TSFM: variants seen among roughly 807,000 people sequenced by gnomAD.
The protein encoded by TSFM is elongation factor Ts, mitochondrial.
Under a neutral mutation model 33.4 loss-of-function variants are expected in TSFM, and 29 were observed. The ratio of observed to expected loss-of-function variants is 0.87; its 90% CI spans 0.65 to 1.18. TSFM has a LOEUF of 1.18. Ranked by LOEUF, TSFM falls within the 50% of genes most tolerant of loss-of-function variation. The probability of loss-of-function intolerance (pLI) is 0.00; values close to 1 mark genes in which losing one functional copy is unlikely to be tolerated. For synonymous variants in TSFM, 178 were observed against 163.5 expected, an observed-to-expected ratio of 1.09 and a Z score of -0.68; for missense variants, 394 against 395.6, an observed-to-expected ratio of 1.00 and a Z score of 0.04.
At chr12:57,785,457 T>C (rs1251917147) in intron 2 of TSFM, among the ~76,000 whole-genome samples, 1 of 152,146 alleles carries the variant, frequency 6.6e-6, no homozygotes, top group Non-Finnish European at 1.5e-5. Context: ...GCTGTTTTAC[T>C]GTTAAATTTT....
Position 57,796,515 on chromosome 12 carries a change from G to A in TSFM, c.910G>A (p.Gly304Arg), listed in dbSNP as rs748940010. 6.5e-7 allele frequency: 1 copy of A among 1,528,450 alleles called. No homozygotes were observed. 94.7% of individuals were successfully genotyped at this position (1,528,450 alleles called of 1,614,324 possible). Reference sequence around the variant, plus strand: ...CTTGGGGCAGTATGTGCAGCCTCAGGGGGTGTCGGTAGTAGACTTTGTGCG... The same window carrying A: ...CTTGGGGCAGTATGTGCAGCCTCAGAGGGTGTCGGTAGTAGACTTTGTGCG... ...ITLGQYVQPQ[G>R]VSVVDFVRFE... Residue 304 changes from glycine (G) to arginine (R), a missense_variant, in exon 6 of 6, where the codon GGG (glycine) becomes AGG (arginine). Around this residue, in one of 3 missense-constraint regions of TSFM, gnomAD observed 186 missense variants for 198.8 expected, o/e 0.94. Coordinates refer to ENST00000652027, the MANE Select transcript of TSFM (RefSeq NM_005726.6).
downstream of TSFM, chr12:57,801,047 G>A: frequency 1.0e-6 from 1 of 968,740 alleles, no homozygotes; most frequent in Non-Finnish European, 1.6e-6. Context: ...TAATACTAAG[G>A]ACATGAGTTT....
At chr12:57,783,385 C>T (rs1335959818) in intron 2 of TSFM, 102 bp downstream of exon 2, 7 of 1,363,036 alleles carry the variant, frequency 5.1e-6, no homozygotes, top group Non-Finnish European at 6.3e-6. Context: ...CTTCAGTGAC[C>T]ATAATGGCAC....
rs1955751882 is a variant in TSFM, at chr12:57,797,079, C to A, written c.*496C>A. On this transcript the variant is annotated 3_prime_UTR_variant, in exon 6 of 6. Transcript: ENST00000652027. ...CTTCTTTGTGATTGTCTGTAGTATGCTTTGAAGGTGCTCTGCAGTGGTAGA... is the reference window on the plus strand; with the variant it reads ...CTTCTTTGTGATTGTCTGTAGTATGATTTGAAGGTGCTCTGCAGTGGTAGA... 1 of 985,444 alleles carries A rather than the reference C, an allele frequency of 1.0e-6. No homozygotes were observed. The highest frequency in any genetic ancestry group is 1.2e-6 in the Non-Finnish European group (1 of 829,982). The allele number at this position is 985,444 out of a possible 1,614,324, so 61.0% of individuals were successfully genotyped here. A position where few individuals can be genotyped will look rare whatever the true frequency, so the allele number is the denominator to read the frequency against.
At chr12:57,797,704 T>C, downstream of TSFM, 4 of 728,704 alleles carry the variant, frequency 5.5e-6, no homozygotes, top group Non-Finnish European at 5.6e-6. Context: ...TTTAGGTATA[T>C]AACAAGCAAG....
chr12:57,796,440 G>A lies in TSFM; in HGVS notation c.835G>A (p.Ala279Thr). The A allele has an allele frequency of 6.2e-7, 1 of 1,600,952 alleles. No individual in the cohort carries two copies. Among genetic ancestry groups the A allele is most frequent in the Non-Finnish European group, 8.5e-7 (1 of 1,173,462 alleles). ...CCTGGACGATGAGCCTGGGGGAGAG[G>A]CAGAGACTAAGATGCTGTCCCAGCC... is the stretch of plus-strand genomic sequence containing the variant. ...GSLDDEPGGE[A>T]ETKMLSQPYL... Residue 279 changes from alanine (A) to threonine (T), a missense_variant, in exon 6 of 6, where the codon GCA becomes ACA. Around this residue, in one of 3 missense-constraint regions of TSFM, gnomAD observed 186 missense variants for 198.8 expected, o/e 0.94. Coordinates refer to ENST00000652027, the MANE Select transcript of TSFM (RefSeq NM_005726.6).
intron 5 of TSFM, 26 bp downstream of exon 5, chr12:57,793,099 A>G (rs1225352320): frequency 4.4e-6 from 7 of 1,590,928 alleles, no homozygotes; most frequent in Admixed American, 1.7e-5. Flanking sequence ...GGTTCTGGAA[A>G]CTGGAAATTA....
Position 57,796,161 on chromosome 12 carries a change from G to T in TSFM, c.572-16G>T, listed in dbSNP as rs771371644. 1.6e-5 allele frequency: 25 copies of T among 1,555,456 alleles called. No homozygotes were observed. The Admixed American group carries it at 2.2e-4, about 13-fold the overall frequency. Reference sequence around the variant, plus strand: ...CAATTTGTTGGTGTGTTGGTTTTTTGTTTTTGCTTTAATAGGAAAACTGGG... The same window carrying T: ...CAATTTGTTGGTGTGTTGGTTTTTTTTTTTTGCTTTAATAGGAAAACTGGG... On this transcript the variant is annotated splice_polypyrimidine_tract_variant and intron_variant, in intron 5 of 5. Transcript: ENST00000652027.
intron 1 of TSFM, 52 bp from the exon 2 acceptor site, chr12:57,783,058 C>T (rs1001025782): frequency 1.2e-4 from 194 of 1,572,372 alleles, no homozygotes; most frequent in Non-Finnish European, 1.6e-4. Context: ...GTACCCTTCA[C>T]CCTCTGGAGT....
At chr12:57,785,587 C>T (rs1169561837) in intron 2 of TSFM, among the ~76,000 whole-genome samples, 1 of 151,954 alleles carries the variant, frequency 6.6e-6, no homozygotes, top group African/African-American at 2.4e-5. Flanking sequence ...TTCAGCCACC[C>T]GAGTAGTTTA....
At chr12:57,802,072 C>CCACG (rs1267368833), downstream of TSFM, 4 of 1,438,078 alleles carry the variant, frequency 2.8e-6, no homozygotes, top group Non-Finnish European at 3.8e-6. Flanking sequence ...TTTCACTGAG[C>CCACG]CGTGAATCAG....
At chr12:57,787,919 A>C (rs1955611051) in intron 4 of TSFM, among the ~76,000 whole-genome samples, 1 of 150,488 alleles carries the variant, frequency 6.6e-6, no homozygotes, top group African/African-American at 2.4e-5. Context: ...CCGTCTCAGA[A>C]AAAAAAAAAG....
intron 2 of TSFM, chr12:57,783,716 C>T: frequency 5.1e-6 from 3 of 587,872 alleles, no homozygotes; most frequent in Admixed American, 5.0e-5. Flanking sequence ...GCCTCAGCCT[C>T]CTGAGTAGTT....
downstream of TSFM, chr12:57,802,578 G>C: frequency 1.4e-6 from 1 of 715,412 alleles, no homozygotes; most frequent in Non-Finnish European, 2.5e-6. Flanking sequence ...AATTGGAGCT[G>C]TCTCTGAACT....
Position 57,796,396 on chromosome 12 carries a change from C to A in TSFM, c.791C>A (p.Ala264Asp), listed in dbSNP as rs754224859. 1.9e-5 allele frequency: 31 copies of A among 1,601,824 alleles called. No individual in the cohort carries two copies. The highest frequency in any genetic ancestry group is 2.5e-5 in the Non-Finnish European group (29 of 1,174,008). ...RRLGQHVVGM[A>D]PLSVGSLDDE... ...CTTGGGCAGCATGTGGTGGGCATGG[C>A]CCCCCTCTCTGTTGGCTCCCTGGAC... Residue 264 changes from alanine (A) to aspartate (D), a missense_variant, in exon 6 of 6, where the codon GCC (alanine) becomes GAC (aspartate). By Grantham distance (126) the Ala-to-Asp change is moderately radical. This residue lies in a region of TSFM where 186 missense variants were observed against 198.8 expected (regional missense o/e 0.94). Transcript: ENST00000652027.
At chr12:57,790,893 A>G (rs1276989579) in intron 4 of TSFM, among the ~76,000 whole-genome samples, 3 of 150,090 alleles carry the variant, frequency 2.0e-5, no homozygotes, top group Non-Finnish European at 3.0e-5. Flanking sequence ...ATTAATAGAG[A>G]TGAGGTTTCA....
chr12:57,798,460 A>G (rs1013530643), downstream of TSFM, among the ~76,000 whole-genome samples: 5 of 152,212 alleles, frequency 3.3e-5, no homozygotes, highest in Non-Finnish European at 7.3e-5. Context: ...TTGAATATTT[A>G]TATACAAGTA....
At chr12:57,797,983 CAG>C, downstream of TSFM, 1 of 1,607,932 alleles carries the variant, frequency 6.2e-7, no homozygotes, top group Non-Finnish European at 8.5e-7. Flanking sequence ...AAGTCCTGTT[CAG>C]AGAGGTAATT....
intron 5 of TSFM, 57 bp downstream of exon 5, chr12:57,793,130 C>A: frequency 1.4e-6 from 2 of 1,446,452 alleles, no homozygotes; most frequent in Non-Finnish European, 1.9e-6. Context: ...CTCTTGTTAT[C>A]TTGTTCCTCC....
Sources: allele counts gnomAD v4.1 joint callset (sites outside exome capture counted in the v4.1 genomes callset), GRCh38; gene constraint gnomAD v4.1.1; regional missense constraint gnomAD v4.1.1; transcripts MANE v1.5; gene names NCBI Gene and HGNC (gene_info 2026-07-23, HGNC 2026-07-21).